FER1L5: variants seen among roughly 807,000 people sequenced by gnomAD.
FER1L5 encodes fer-1-like protein 5.
A neutral mutation model predicts 279.9 loss-of-function variants in FER1L5; 187 were observed. The observed-to-expected ratio is 0.67, with a 90% CI of 0.59 to 0.75. The LOEUF (loss-of-function observed/expected upper bound fraction) is 0.75. Ranked by LOEUF, FER1L5 falls within the 30% of genes least tolerant of loss-of-function variation. The pLI is 0.00. For synonymous variants in FER1L5, 921 were observed against 989.7 expected (o/e 0.93, Z 1.30); for missense variants, 2,091 against 2,594.4 (o/e 0.81, Z 4.21).
chr2:96,667,554 C>T (rs867452485), intron 14 of FER1L5, among the ~76,000 whole-genome samples: 7 of 152,112 alleles, frequency 4.6e-5, no homozygotes, highest in Middle Eastern at 3.4e-3. Flanking sequence ...TCCATGTTGG[C>T]CAGGCTGATC....
intron 1 of FER1L5, among the ~76,000 whole-genome samples, chr2:96,645,672 C>T (rs921808597): frequency 1.3e-5 from 2 of 151,986 alleles, no homozygotes; most frequent in African/African-American, 4.8e-5. Flanking sequence ...GTCCAAGCTA[C>T]GTGGGAGGTG....
chr2:96,697,622 C>T, intron 38 of FER1L5, 38 bp from the exon 39 acceptor site: 1 of 1,613,706 alleles, frequency 6.2e-7, no homozygotes, highest in Non-Finnish European at 8.5e-7. Context: ...TGGGGGGCTG[C>T]CCCTGCCCGA....
intron 21 of FER1L5, 83 bp downstream of exon 21, chr2:96,685,512 C>A: frequency 1.7e-6 from 2 of 1,157,428 alleles, no homozygotes; most frequent in South Asian, 1.4e-5. Context: ...GTGCCCTGAA[C>A]ACCTCCCCCC....
At position 96,702,725 on chromosome 2, in the gene FER1L5, G is replaced by A; in HGVS notation, c.5381G>A (p.Cys1794Tyr). The change falls in exon 48 of 53, where the codon TGT becomes TAT. Residue 1794 changes from cysteine (C) to tyrosine (Y), a missense_variant. Cys to Tyr is a radical substitution (Grantham distance 194). Coordinates refer to ENST00000624922, the MANE Select transcript of FER1L5 (RefSeq NM_001293083.2). This position sits in a 1 kb window ranked among gnomAD's most constrained non-coding sequence, Gnocchi z 4.0. The part of the protein sequence containing the change: ...TMDYLAAERT[C>Y]VQSQKDYIWS... The stretch of plus-strand genomic sequence containing the variant: ...GACTACCTGGCGGCGGAGCGCACGT[G>A]TGTCCAGAGCCAGAAGGTAACAGGC... The A allele has an allele frequency of 6.2e-7, 1 of 1,613,132 alleles. No individual in the cohort carries two copies.
chr2:96,684,971 G>T (rs546113345), intron 20 of FER1L5, among the ~76,000 whole-genome samples: 3 of 152,206 alleles, frequency 2.0e-5, no homozygotes, highest in African/African-American at 7.2e-5. Flanking sequence ...GCTGGAAGGA[G>T]TGAGATCAGA....
At chr2:96,661,829 A>G in intron 12 of FER1L5, 38 bp downstream of exon 12, 2 of 1,549,406 alleles carry the variant, frequency 1.3e-6, no homozygotes, top group Non-Finnish European at 1.7e-6. Flanking sequence ...CAGCCCTGAG[A>G]TTCCCTACAC....
chr2:96,703,162 A>T lies in FER1L5; in HGVS notation c.5507A>T (p.Glu1836Val). 6.2e-7 allele frequency: 1 copy of T among 1,612,916 alleles called. No homozygotes were observed. Among genetic ancestry groups the T allele is most frequent in the South Asian group, 1.1e-5 (1 of 91,032 alleles). ...FSPDDFLGVL[E>V]LDLSDMPLPA... Reference sequence around the variant, plus strand: ...ATTTTTCTGGGCTCAGGGGTCCTGGAGCTGGATTTGTCTGACATGCCCCTC... The same window carrying T: ...ATTTTTCTGGGCTCAGGGGTCCTGGTGCTGGATTTGTCTGACATGCCCCTC... The change falls in exon 50 of 53, where the codon GAG becomes GTG. Residue 1836 changes from glutamate to valine, a missense_variant. By Grantham distance (121) the Glu-to-Val change is moderately radical (BLOSUM62 -2). Coordinates refer to ENST00000624922, the MANE Select transcript of FER1L5 (RefSeq NM_001293083.2).
intron 18 of FER1L5, among the ~76,000 whole-genome samples, 165 bp from the exon 19 acceptor site, chr2:96,672,912 C>T (rs945194129): frequency 1.3e-5 from 2 of 152,096 alleles, no homozygotes; most frequent in Admixed American, 6.5e-5. Flanking sequence ...CCTGGAGGAA[C>T]TGCCCTGGAT....
At chr2:96,683,574 G>A (rs569348383) in intron 19 of FER1L5, among the ~76,000 whole-genome samples, 1 of 151,018 alleles carries the variant, frequency 6.6e-6, no homozygotes, top group African/African-American at 2.4e-5. Context: ...TTCCGGGGGG[G>A]ACACAGCCAG....
At chr2:96,643,019 A>T in intron 1 of FER1L5, 98 bp downstream of exon 1, 1 of 1,021,730 alleles carries the variant, frequency 9.8e-7, no homozygotes, top group Non-Finnish European at 1.4e-6. Context: ...TACATAAAAG[A>T]TGCCCTGTGT....
Position 96,658,799 on chromosome 2 carries a change from T to A in FER1L5, c.748-1542T>A, listed in dbSNP as rs2075703045. Among the ~76,000 whole-genome samples the A allele has an allele frequency of 2.6e-5, 4 of 152,286 alleles. No homozygotes were observed. In the South Asian group the frequency reaches 8.3e-4, roughly 32 times the overall value. ...TGTTGAGCATCTTTTCATGTGCCTG[T>A]CATCTGTATATCTTCTTTGGTGAAG... On this transcript the variant is annotated intron_variant, in intron 9 of 52. Coordinates refer to ENST00000624922, the MANE Select transcript of FER1L5 (RefSeq NM_001293083.2).
chr2:96,668,882 C>G lies in FER1L5; in HGVS notation c.1185-4C>G. ...CTCAGCCTGAGGAGTGTGTTTCTCT[C>G]TAGCCGCAAGAAGGACTGCCCGGAT... is the stretch of plus-strand genomic sequence containing the variant. On this transcript the variant is annotated splice_polypyrimidine_tract_variant and splice_region_variant and intron_variant, in intron 15 of 52. Transcript: ENST00000624922. 6.4e-7 allele frequency: 1 copy of G among 1,551,652 alleles called. No individual in the cohort carries two copies.
At chr2:96,671,964 T>G (rs2076343513) in intron 18 of FER1L5, among the ~76,000 whole-genome samples, 1 of 152,000 alleles carries the variant, frequency 6.6e-6, no homozygotes, top group Non-Finnish European at 1.5e-5. Context: ...ACAAACCTTC[T>G]AAGAAACCTG....
At chr2:96,683,866 G>A (rs936873641) in intron 19 of FER1L5, among the ~76,000 whole-genome samples, 6 of 152,164 alleles carry the variant, frequency 3.9e-5, no homozygotes, top group Non-Finnish European at 5.9e-5. Flanking sequence ...TTTCAATAAG[G>A]AACATGGCAA....
In FER1L5 at chr2:96,687,796, C is replaced by A; in HGVS notation, c.2230-20C>A. The A allele has an allele frequency of 6.5e-7, 1 of 1,546,468 alleles. No individual in the cohort carries two copies. The highest frequency in any genetic ancestry group is 8.7e-7 in the Non-Finnish European group (1 of 1,143,654). ...CAGGGTGTTTAGTGCCCCTGTGGGA[C>A]CGATCGGCCTCTGGCTCAGTACCCA... On this transcript the variant is annotated intron_variant, in intron 23 of 52. Coordinates refer to ENST00000624922, the MANE Select transcript of FER1L5 (RefSeq NM_001293083.2).
Position 96,690,457 on chromosome 2 carries a change from C to T in FER1L5, c.2641-30C>T, listed in dbSNP as rs1048392741. 3.1e-5 allele frequency: 48 copies of T among 1,544,588 alleles called. No individual in the cohort carries two copies. The East Asian group carries it at 1.0e-3, about 33-fold the overall frequency. On this transcript the variant is annotated intron_variant, in intron 26 of 52. Coordinates refer to ENST00000624922, the MANE Select transcript of FER1L5 (RefSeq NM_001293083.2). ...GGCAGCCTCCTCCCAGCTCATGTGC[C>T]CCTCGCTCGCCCTCTCTGTCCACCT...
chr2:96,684,903 T>C (rs2076864640), intron 20 of FER1L5, among the ~76,000 whole-genome samples: 1 of 152,080 alleles, frequency 6.6e-6, no homozygotes, highest in African/African-American at 2.4e-5. Flanking sequence ...TGCTGGTTTC[T>C]GAAGTTCGGC....
intron 19 of FER1L5, among the ~76,000 whole-genome samples, chr2:96,676,685 A>C (rs1307650280): frequency 3.1e-5 from 4 of 129,166 alleles, no homozygotes; most frequent in Non-Finnish European, 5.0e-5. Context: ...GTATCTTTGG[A>C]TTATTTTTAG....
chr2:96,675,539 G>A (rs2076480141), intron 19 of FER1L5, among the ~76,000 whole-genome samples: 1 of 152,170 alleles, frequency 6.6e-6, no homozygotes, highest in African/African-American at 2.4e-5. Flanking sequence ...CAATTTTCCT[G>A]CCTCAGCCTC....
Sources: allele counts gnomAD v4.1 joint callset (sites outside exome capture counted in the v4.1 genomes callset), GRCh38; gene constraint gnomAD v4.1.1; non-coding constraint Gnocchi (gnomAD v3.1); transcripts MANE v1.5; gene names NCBI Gene and HGNC (gene_info 2026-07-23, HGNC 2026-07-21).